ERBB2: variants seen among roughly 807,000 people sequenced by gnomAD.
ERBB2 encodes receptor tyrosine-protein kinase erbB-2.
Under a neutral mutation model 149.0 loss-of-function variants are expected in ERBB2, and 61 were observed. That is an observed-to-expected ratio of 0.41 (90% confidence interval 0.33 to 0.51). ERBB2 has a LOEUF of 0.51. Among genes scored for constraint, ERBB2 ranks in the 20% least tolerant of loss-of-function variants. The probability of loss-of-function intolerance (pLI) is 0.25; values close to 1 mark genes in which losing one functional copy is unlikely to be tolerated. For missense variants in ERBB2, 1,205 were observed against 1,655.1 expected (o/e 0.73, Z 4.72); for synonymous variants, 633 against 678.8 (o/e 0.93, Z 1.05).
chr17:39,719,853 A>G lies in ERBB2; in HGVS notation c.1946+19A>G, dbSNP rs770771281. On this transcript the variant is annotated intron_variant, in intron 16 of 26. Coordinates refer to ENST00000269571, the MANE Select transcript of ERBB2 (RefSeq NM_004448.4). ...GAGCCAGGTTGGCCTGGACCCCAGG[A>G]TGTACCCTTCATTGCCCTTCACTCC... 1 of 1,613,622 alleles carries G rather than the reference A, an allele frequency of 6.2e-7. No individual in the cohort carries two copies. The highest frequency in any genetic ancestry group is 2.2e-5 in the East Asian group (1 of 44,874).
intron 3 of ERBB2, 63 bp from the exon 4 acceptor site, chr17:39,709,254 GC>G: frequency 6.3e-7 from 1 of 1,593,022 alleles, no homozygotes; most frequent in East Asian, 2.2e-5. Flanking sequence ...AGGCAGGAGG[GC>G]CCCAAGGGAA....
rs1470285782 is a variant in ERBB2 at position 39,715,453 on chromosome 17, A to G, written c.1230A>G (p.Leu410=). The G allele has an allele frequency of 1.2e-6, 2 of 1,614,124 alleles. No homozygotes were observed. The highest frequency in any genetic ancestry group is 2.2e-5 in the East Asian group (1 of 44,876). ...CTCACCCTCTGCCTGCAGGTTACCT[A>G]TACATCTCAGCATGGCCGGACAGCC... ...FETLEEITGY[L]YISAWPDSLP... Residue 410 remains leucine (L), a synonymous_variant, in exon 11 of 27, where the codon CTA becomes CTG. Transcript: ENST00000269571.
chr17:39,708,985 A>G (rs1024324857), intron 3 of ERBB2, among the ~76,000 whole-genome samples: 1 of 152,188 alleles, frequency 6.6e-6, no homozygotes, highest in Non-Finnish European at 1.5e-5. Context: ...TTACACAGCT[A>G]GTGAGTGATG....
intron 1 of ERBB2, 48 bp downstream of exon 1, chr17:39,700,359 T>C (rs1328452805): frequency 1.6e-6 from 2 of 1,260,004 alleles, no homozygotes; most frequent in Non-Finnish European, 2.0e-6. Context: ...GACCCTGCCC[T>C]GTGGATGCCC....
intron 2 of ERBB2, chr17:39,688,861 T>G (rs1388974213): frequency 6.6e-6 from 1 of 152,364 alleles, no homozygotes; most frequent in Non-Finnish European, 1.5e-5. Context: ...TACATCAACA[T>G]AAGAACTTGA....
rs1382782055 is a variant in ERBB2 at position 39,728,205 on chromosome 17, C to T, written c.*161C>T. The T allele has an allele frequency of 7.0e-6, 4 of 573,766 alleles. No individual in the cohort carries two copies. The highest frequency in any genetic ancestry group is 6.0e-5 in the Admixed American group (2 of 33,372). 35.5% of individuals were successfully genotyped at this position (573,766 alleles called of 1,614,324 possible). On this transcript the variant is annotated 3_prime_UTR_variant, in exon 27 of 27. Transcript: ENST00000269571. ...AGGAACCTTCCTTCCTGCTTGAGTTCCCAGATGGCTGGAAGGGGTCCAGCC... is the reference window on the plus strand; with the variant it reads ...AGGAACCTTCCTTCCTGCTTGAGTTTCCAGATGGCTGGAAGGGGTCCAGCC...
upstream of ERBB2, among the ~76,000 whole-genome samples, chr17:39,692,297 T>G (rs761878066): frequency 3.3e-5 from 5 of 152,144 alleles, no homozygotes; most frequent in Non-Finnish European, 5.9e-5. Flanking sequence ...GTATTATGGT[T>G]GTTATTTTTG....
Position 39,710,490 on chromosome 17 carries a change from C to G in ERBB2, c.901+9C>G, listed in dbSNP as rs774355589. 7 of 1,613,794 alleles carry G rather than the reference C, an allele frequency of 4.3e-6. No homozygotes were observed. The highest frequency in any genetic ancestry group is 1.6e-4 in the Middle Eastern group (1 of 6,062). ...TGTGACTGCCTGTCCCTGTGAGTGC[C>G]AGGGAGAAACACAGTTTTCTCATTT... On this transcript the variant is annotated intron_variant, in intron 7 of 26. Transcript: ENST00000269571.
chr17:39,704,694 C>G, intron 1 of ERBB2, among the ~76,000 whole-genome samples: 1 of 152,240 alleles, frequency 6.6e-6, no homozygotes, highest in East Asian at 1.9e-4. Flanking sequence ...TGTTAGCCAG[C>G]AAGCCTCCAG....
chr17:39,717,338 G>A lies in ERBB2; in HGVS notation c.1756G>A (p.Ala586Thr), dbSNP rs2145706577. 6.2e-7 allele frequency: 1 copy of A among 1,612,170 alleles called. No homozygotes were observed. The highest frequency in any genetic ancestry group is 8.5e-7 in the Non-Finnish European group (1 of 1,179,882). Residue 586 changes from alanine (A) to threonine (T), a missense_variant, in exon 15 of 27, where the codon GCC becomes ACC. Ala to Thr is a moderately conservative substitution (Grantham distance 58). Around this residue, in one of 6 missense-constraint regions of ERBB2, gnomAD observed 569 missense variants for 803.5 expected, o/e 0.71. Coordinates refer to ENST00000269571, the MANE Select transcript of ERBB2 (RefSeq NM_004448.4). ...CFGPEADQCV[A>T]CAHYKDPPFC... is the part of the protein sequence containing the mutation. ...CCCCCAGGAGGCTGACCAGTGTGTG[G>A]CCTGTGCCCACTATAAGGACCCTCC... is the stretch of plus-strand genomic sequence containing the variant.
At chr17:39,690,477 C>T (rs900111143), upstream of ERBB2, among the ~76,000 whole-genome samples, 2 of 152,126 alleles carry the variant, frequency 1.3e-5, no homozygotes, top group Non-Finnish European at 2.9e-5. Context: ...CCTTGAAAAC[C>T]CATGCCTACA....
rs141735528 is a variant in ERBB2, at chr17:39,723,532, C to T, written c.2086-6C>T. On this transcript the variant is annotated splice_polypyrimidine_tract_variant and splice_region_variant and intron_variant, in intron 17 of 26. Transcript: ENST00000269571. The surrounding 1 kb of genome is among the most constrained non-coding windows in gnomAD (Gnocchi z 6.2). ...CCGGCACTGACCCACCACCCCCTCA[C>T]CCCAGCTGGTGGAGCCGCTGACACC... 5.0e-6 allele frequency: 8 copies of T among 1,612,578 alleles called. No homozygotes were observed. Among genetic ancestry groups the T allele is most frequent in the Non-Finnish European group, 6.8e-6 (8 of 1,179,406 alleles).
chr17:39,706,824 T>G, intron 1 of ERBB2, 166 bp from the exon 2 acceptor site: 1 of 505,372 alleles, frequency 2.0e-6, no homozygotes, highest in Non-Finnish European at 3.2e-6. Context: ...GCAAGCTTTC[T>G]CCTGCTGTTA....
rs745823610 is a variant in ERBB2 at position 39,715,954 on chromosome 17, C to G, written c.1513+15C>G. 1 of 1,603,426 alleles carries G rather than the reference C, an allele frequency of 6.2e-7. No individual in the cohort carries two copies. The highest frequency in any genetic ancestry group is 1.1e-5 in the South Asian group (1 of 90,902). ...GGACGAGTGTGGTAAGACAGGGAGC[C>G]CAGTGTGCGCACTCCCCATCTGCCA... On this transcript the variant is annotated intron_variant, in intron 12 of 26. Coordinates refer to ENST00000269571, the MANE Select transcript of ERBB2 (RefSeq NM_004448.4).
rs745647383 is a variant in ERBB2 at position 39,723,838 on chromosome 17, A to G, written c.2209-74A>G. The stretch of plus-strand genomic sequence containing the variant: ...GGTGGTGAAGGATGTTTGGAGGACA[A>G]GTAATGATCTCCTGGAAGGCAGGTA... On this transcript the variant is annotated intron_variant, in intron 18 of 26. Transcript: ENST00000269571. This position sits in a 1 kb window ranked among gnomAD's most constrained non-coding sequence, Gnocchi z 6.2. The G allele has an allele frequency of 2.7e-4, 412 of 1,500,764 alleles. No individual in the cohort carries two copies. Among genetic ancestry groups the G allele is most frequent in the Non-Finnish European group, 3.2e-4 (351 of 1,082,358 alleles). The allele number at this position is 1,500,764 out of a possible 1,614,324, so 93.0% of individuals were successfully genotyped here. A position where few individuals can be genotyped will look rare whatever the true frequency, so the allele number is the denominator to read the frequency against.
upstream of ERBB2, among the ~76,000 whole-genome samples, chr17:39,692,866 C>T (rs538684982): frequency 2.6e-5 from 4 of 151,780 alleles, no homozygotes; most frequent in South Asian, 4.2e-4. Context: ...AGTTCAAGAC[C>T]GGCCTGACCA....
chr17:39,701,143 G>A (rs1244620954), intron 1 of ERBB2, among the ~76,000 whole-genome samples: 1 of 152,098 alleles, frequency 6.6e-6, no homozygotes, highest in South Asian at 2.1e-4. Context: ...TGCTGTGCGT[G>A]GGGAAGGGTG....
upstream of ERBB2, among the ~76,000 whole-genome samples, chr17:39,698,745 G>GA (rs1219049474): frequency 1.3e-5 from 2 of 152,156 alleles, no homozygotes; most frequent in African/African-American, 2.4e-5. Flanking sequence ...AGGGAAGAGA[G>GA]AAAGAGATGC....
intron 2 of ERBB2, chr17:39,707,841 A>G (rs949206571): frequency 2.5e-4 from 39 of 155,650 alleles, no homozygotes; most frequent in Admixed American, 1.3e-3. Flanking sequence ...TCTACTGAAA[A>G]TACAAAATTA....
Sources: allele counts gnomAD v4.1 joint callset (sites outside exome capture counted in the v4.1 genomes callset), GRCh38; gene constraint gnomAD v4.1.1; regional missense constraint gnomAD v4.1.1; non-coding constraint Gnocchi (gnomAD v3.1); transcripts MANE v1.5; gene names NCBI Gene and HGNC (gene_info 2026-07-23, HGNC 2026-07-21).